LMBRD1: variants seen among roughly 807,000 people sequenced by gnomAD.
LMBRD1 encodes LMBR1 domain containing 1.
Under a neutral mutation model 74.8 loss-of-function variants are expected in LMBRD1, and 64 were observed. The observed-to-expected ratio is 0.86, with a 90% CI of 0.70 to 1.05. The LOEUF is 1.05. Among genes scored for constraint, LMBRD1 ranks in the 50% least tolerant of loss-of-function variants. The probability of loss-of-function intolerance (pLI) is 0.00; values close to 1 mark genes in which losing one functional copy is unlikely to be tolerated. For synonymous variants in LMBRD1, 204 were observed against 216.3 expected (o/e 0.94, Z 0.50); for missense variants, 652 against 645.9 (o/e 1.01, Z -0.10).
intron 1 of LMBRD1, among the ~76,000 whole-genome samples, chr6:69,793,985 G>T (rs947809131): frequency 3.9e-5 from 6 of 151,996 alleles, no homozygotes; most frequent in African/African-American, 1.2e-4. Flanking sequence ...CTCCCAAAGT[G>T]CTGGGATTAC....
In LMBRD1 at chr6:69,705,611, T is replaced by C. The variant is rs1766235322; in HGVS notation, c.916-3658A>G. The C allele has an allele frequency of 1.5e-5, 14 of 959,516 alleles. No homozygotes were observed. In the East Asian group the frequency reaches 2.4e-4, roughly 16 times the overall value. 59.4% of individuals were successfully genotyped at this position (959,516 alleles called of 1,614,324 possible). A position where few individuals can be genotyped will look rare whatever the true frequency, so the allele number is the denominator to read the frequency against. On this transcript the variant is annotated intron_variant, in intron 9 of 15. Coordinates refer to ENST00000649934, the MANE Select transcript of LMBRD1 (RefSeq NM_018368.4). Reference sequence around the variant, plus strand: ...TAGATTTCTTCACTGGTGATTTTTCTTCAGTTTCCTTATTATCAAAATCAT... The same window carrying C: ...TAGATTTCTTCACTGGTGATTTTTCCTCAGTTTCCTTATTATCAAAATCAT...
intron 5 of LMBRD1, among the ~76,000 whole-genome samples, chr6:69,745,676 G>A: frequency 6.6e-6 from 1 of 152,086 alleles, no homozygotes; most frequent in South Asian, 2.1e-4. Flanking sequence ...TTTTTGAGGG[G>A]AGGGGAAATC....
At position 69,676,536 on chromosome 6, in the gene LMBRD1, A is replaced by G; in HGVS notation, c.1423T>C (p.Cys475Arg). ...AATAGGTATGTCCGGGTAACAGTAC[A>G]CTGATCTGTGAAAGCAAATAAAAGA... ...RCDADAPEDQ[C>R]TVTRTYLFLH... The change falls in exon 15 of 16, where the codon TGT (cysteine) becomes CGT (arginine). Residue 475 changes from cysteine (C) to arginine (R), a missense_variant. Transcript: ENST00000649934. 6.2e-7 allele frequency: 1 copy of G among 1,610,862 alleles called. No individual in the cohort carries two copies. Among genetic ancestry groups the G allele is most frequent in the Non-Finnish European group, 8.5e-7 (1 of 1,177,254 alleles).
chr6:69,758,595 CATG>C (rs1562115337), intron 3 of LMBRD1, among the ~76,000 whole-genome samples: 1 of 152,112 alleles, frequency 6.6e-6, no homozygotes, highest in Admixed American at 6.6e-5. Flanking sequence ...TTAGTACTCT[CATG>C]ATGTTATGGC....
chr6:69,714,457 T>TA (rs1440491617), intron 8 of LMBRD1, among the ~76,000 whole-genome samples: 4 of 152,276 alleles, frequency 2.6e-5, no homozygotes, highest in Admixed American at 6.5e-5. Flanking sequence ...ATCTCATAGA[T>TA]ACACTTTCCC....
At chr6:69,742,038 G>A (rs759687030) in intron 5 of LMBRD1, among the ~76,000 whole-genome samples, 161 bp from the exon 6 acceptor site, 1 of 152,114 alleles carries the variant, frequency 6.6e-6, no homozygotes, top group African/African-American at 2.4e-5. Context: ...TTACTTCCTT[G>A]TAAATTTAAT....
At chr6:69,697,437 C>T (rs1222955344) in intron 14 of LMBRD1, 126 bp downstream of exon 14, 1 of 708,700 alleles carries the variant, frequency 1.4e-6, no homozygotes, top group East Asian at 2.5e-5. Flanking sequence ...GATTTACCAA[C>T]CTCTACTTGC....
chr6:69,700,984 C>T (rs1281717311), intron 11 of LMBRD1, 115 bp from the exon 12 acceptor site: 2 of 753,726 alleles, frequency 2.7e-6, no homozygotes, highest in African/African-American at 1.8e-5. Context: ...ACAGTATCAA[C>T]CTTGATTTAG....
At chr6:69,681,628 T>C (rs1242986296) in intron 14 of LMBRD1, among the ~76,000 whole-genome samples, 2 of 151,944 alleles carry the variant, frequency 1.3e-5, no homozygotes, top group African/African-American at 4.8e-5. Context: ...TACGTGTATA[T>C]ATATAGAAGA....
chr6:69,749,547 A>G, intron 4 of LMBRD1, 139 bp from the exon 5 acceptor site: 2 of 701,256 alleles, frequency 2.9e-6, no homozygotes, highest in Non-Finnish European at 5.0e-6. Context: ...AAACAACCTT[A>G]AAATTTAAAG....
chr6:69,700,669 G>A, intron 12 of LMBRD1, 96 bp downstream of exon 12: 1 of 843,306 alleles, frequency 1.2e-6, no homozygotes, highest in Middle Eastern at 2.6e-4. Flanking sequence ...GTGGTATAAA[G>A]ATACAGCTAC....
chr6:69,763,668 G>A (rs1056500181), intron 3 of LMBRD1, among the ~76,000 whole-genome samples: 1 of 152,166 alleles, frequency 6.6e-6, no homozygotes, highest in Non-Finnish European at 1.5e-5. Context: ...AGCCTTGTGG[G>A]TACAACTCCT....
At chr6:69,724,251 A>G (rs546499642) in intron 7 of LMBRD1, among the ~76,000 whole-genome samples, 1 of 151,100 alleles carries the variant, frequency 6.6e-6, no homozygotes, top group Non-Finnish European at 1.5e-5. Flanking sequence ...TGAAGAACTA[A>G]TATCAGTCCT....
intron 2 of LMBRD1, among the ~76,000 whole-genome samples, chr6:69,783,401 C>T (rs1053205530): frequency 2.0e-5 from 3 of 152,132 alleles, no homozygotes; most frequent in African/African-American, 7.2e-5. Context: ...GAGACAGTGT[C>T]TCACTCTGTC....
intron 9 of LMBRD1, chr6:69,705,663 T>C: frequency 1.1e-6 from 1 of 874,066 alleles, no homozygotes; most frequent in Non-Finnish European, 1.9e-6. Flanking sequence ...ATCATTATCA[T>C]CATCATCATC....
chr6:69,742,219 G>A (rs1343960572), intron 5 of LMBRD1, among the ~76,000 whole-genome samples: 1 of 151,930 alleles, frequency 6.6e-6, no homozygotes, highest in African/African-American at 2.4e-5. Context: ...CCACAAAAAA[G>A]GTTAAGGACA....
At position 69,701,485 on chromosome 6, in the gene LMBRD1, G is replaced by T. The variant is rs768797474; in HGVS notation, c.1041C>A (p.Asn347Lys). The T allele has an allele frequency of 6.2e-7, 1 of 1,608,380 alleles. No homozygotes were observed. Among genetic ancestry groups the T allele is most frequent in the African/African-American group, 1.3e-5 (1 of 74,764 alleles). ...IDSGFIIFGA[N>K]LSNPLNMLLP... ...AAAGCATATTCAGTGGATTACTCAG[G>T]TTAGCTCCAAAAATTATGAAACCAG... The change falls in exon 11 of 16, where the codon AAC (asparagine) becomes AAA (lysine). Residue 347 changes from asparagine (N) to lysine (K), a missense_variant. Transcript: ENST00000649934.
At chr6:69,733,415 A>T (rs939574807) in intron 7 of LMBRD1, among the ~76,000 whole-genome samples, 10 of 152,180 alleles carry the variant, frequency 6.6e-5, no homozygotes, top group Non-Finnish European at 1.0e-4. Flanking sequence ...TTAACTACCT[A>T]TCTACAATAA....
intron 4 of LMBRD1, 97 bp downstream of exon 4, chr6:69,752,161 AC>A: frequency 8.5e-7 from 1 of 1,181,718 alleles, no homozygotes; most frequent in Non-Finnish European, 1.2e-6. Context: ...CTATTAGACA[AC>A]ACTGCTCTAG....
Sources: allele counts gnomAD v4.1 joint callset (sites outside exome capture counted in the v4.1 genomes callset), GRCh38; gene constraint gnomAD v4.1.1; transcripts MANE v1.5; gene names NCBI Gene and HGNC (gene_info 2026-07-23, HGNC 2026-07-21).